Variants in MAST4 observed in about 807,000 individuals in gnomAD.
MAST4 encodes microtubule associated serine/threonine kinase family member 4, also known as microtubule-associated serine/threonine-protein kinase 4.
MAST4 carries 89 observed loss-of-function variants against 162.7 expected under a neutral mutation model. That is an observed-to-expected ratio of 0.55 (90% CI 0.46 to 0.65). The LOEUF is 0.65. Among genes scored for constraint, MAST4 ranks in the 30% least tolerant of loss-of-function variants. MAST4 has a pLI of 0.00. For synonymous variants in MAST4, 1,479 were observed against 1,361.1 expected, an observed-to-expected ratio of 1.09 and a Z score of -1.91; for missense variants, 3,153 against 3,374.0, an observed-to-expected ratio of 0.93 and a Z score of 1.62.
At chr5:66,818,458 A>C (rs142294216) in intron 3 of MAST4, among the ~76,000 whole-genome samples, 1 of 152,038 alleles carries the variant, frequency 6.6e-6, no homozygotes. Context: ...AGATTTCACT[A>C]TGGTCTGTGC....
chr5:67,046,764 C>T (rs1757421618), intron 4 of MAST4, among the ~76,000 whole-genome samples: 1 of 152,136 alleles, frequency 6.6e-6, no homozygotes, highest in African/African-American at 2.4e-5. Flanking sequence ...TTTTTGAAAG[C>T]TTATCCCTTT....
intron 5 of MAST4, among the ~76,000 whole-genome samples, chr5:67,076,757 G>A (rs1345635551): frequency 6.6e-6 from 1 of 152,102 alleles, no homozygotes; most frequent in Non-Finnish European, 1.5e-5. Flanking sequence ...ACTTAATTAT[G>A]TCTTTTACCT....
chr5:66,904,421 G>A (rs1763210300), intron 4 of MAST4, among the ~76,000 whole-genome samples: 1 of 152,094 alleles, frequency 6.6e-6, no homozygotes, highest in Non-Finnish European at 1.5e-5. Context: ...GTTTTTAAGT[G>A]GTATTTCAGA....
At chr5:66,959,162 G>T in intron 4 of MAST4, 1 of 775,200 alleles carries the variant, frequency 1.3e-6, no homozygotes, top group Admixed American at 1.7e-5. Flanking sequence ...CTTTAGAGAG[G>T]TTCGGTTTGG....
chr5:66,765,079 C>T (rs943907940), intron 2 of MAST4, among the ~76,000 whole-genome samples: 1 of 152,054 alleles, frequency 6.6e-6, no homozygotes, highest in Non-Finnish European at 1.5e-5. Flanking sequence ...GGTGCAGTTG[C>T]ATGCTATACA....
chr5:66,632,846 A>G (rs1211831608), intron 1 of MAST4, among the ~76,000 whole-genome samples: 2 of 152,240 alleles, frequency 1.3e-5, no homozygotes, highest in Non-Finnish European at 2.9e-5. Flanking sequence ...ACATATACAT[A>G]TTTGTATAGA....
Position 66,596,760 on chromosome 5 carries a change from T to A in MAST4, c.105T>A (p.Gly35=). The A allele has an allele frequency of 7.1e-7, 1 of 1,399,704 alleles. No homozygotes were observed. The highest frequency in any genetic ancestry group is 9.3e-7 in the Non-Finnish European group (1 of 1,074,668). 86.7% of individuals were successfully genotyped at this position (1,399,704 alleles called of 1,614,324 possible). ...CGCTGGTCGCCGCGTCCTCTCCGGGTGCTTCCTCGGCCGAGTCCTCCTCGG... is the reference window on the plus strand; with the variant it reads ...CGCTGGTCGCCGCGTCCTCTCCGGGAGCTTCCTCGGCCGAGTCCTCCTCGG... The part of the protein sequence containing the change: ...ASALVAASSP[G]ASSAESSSGS... Residue 35 remains glycine, a synonymous_variant, in exon 1 of 29, where the codon GGT becomes GGA. Coordinates refer to ENST00000403625, the MANE Select transcript of MAST4 (RefSeq NM_001164664.2).
chr5:67,117,771 AAAG>A (rs145353563), intron 12 of MAST4, among the ~76,000 whole-genome samples: 3,738 of 152,220 alleles, frequency 0.025, 157 homozygotes, highest in African/African-American at 0.084. Flanking sequence ...AAAGTATAAA[AAAG>A]AAAATGAACA....
At chr5:66,698,822 A>C (rs1749578002) in intron 1 of MAST4, among the ~76,000 whole-genome samples, 1 of 152,022 alleles carries the variant, frequency 6.6e-6, no homozygotes, top group South Asian at 2.1e-4. Context: ...CACATCCCCC[A>C]CACAAGTTCT....
At chr5:67,058,695 T>C (rs889619810) in intron 5 of MAST4, among the ~76,000 whole-genome samples, 1 of 152,250 alleles carries the variant, frequency 6.6e-6, no homozygotes, top group Non-Finnish European at 1.5e-5. Context: ...ATCTGTGTTT[T>C]AGAGTGTGTA....
At chr5:67,113,527 G>C (rs1406009824) in intron 11 of MAST4, among the ~76,000 whole-genome samples, 1 of 151,930 alleles carries the variant, frequency 6.6e-6, no homozygotes, top group African/African-American at 2.4e-5. Flanking sequence ...TTTCTTTCTT[G>C]TTCTTTACTT....
intron 1 of MAST4, among the ~76,000 whole-genome samples, chr5:66,660,469 C>T (rs1023035998): frequency 6.6e-6 from 1 of 152,214 alleles, no homozygotes. Flanking sequence ...CCTCTCTATT[C>T]TCCAAAACCA....
intron 19 of MAST4, 56 bp from the exon 20 acceptor site, chr5:67,142,059 T>C: frequency 6.5e-7 from 1 of 1,549,078 alleles, no homozygotes; most frequent in East Asian, 2.3e-5. Flanking sequence ...TGTTTGCCTT[T>C]GCTTAGTGGG....
chr5:66,922,989 C>T lies in MAST4; in HGVS notation c.674+23007C>T, dbSNP rs1259804887. 2.0e-5 allele frequency among the ~76,000 whole-genome samples: 3 copies of T among 152,198 alleles called. No individual in the cohort carries two copies. The East Asian group carries it at 5.8e-4, about 29-fold the overall frequency. On this transcript the variant is annotated intron_variant, in intron 4 of 28. Transcript: ENST00000403625. ...GGCATCCAACCGTGGAGCATAAGAT[C>T]ACATTTGTTAGGGACACTGTGACTG... is the stretch of plus-strand genomic sequence containing the variant.
chr5:67,160,524 G>A lies in MAST4; in HGVS notation c.3717G>A (p.Arg1239=), dbSNP rs775428522. Reference sequence around the variant, plus strand: ...CATCAATCAAAACTGGACCAGCCAGGAGAAACAGCTATAAGAGCCGGATGG... The same window carrying A: ...CATCAATCAAAACTGGACCAGCCAGAAGAAACAGCTATAAGAGCCGGATGG... ...ENTSIKTGPA[R]RNSYKSRMVR... Residue 1239 remains arginine (R), a synonymous_variant, in exon 27 of 29, where the codon AGG becomes AGA. Transcript: ENST00000403625. The A allele has an allele frequency of 1.6e-5, 26 of 1,613,806 alleles. No individual in the cohort carries two copies. Among genetic ancestry groups the A allele is most frequent in the Middle Eastern group, 1.6e-4 (1 of 6,084 alleles).
intron 1 of MAST4, among the ~76,000 whole-genome samples, chr5:66,650,040 C>T (rs967474384): frequency 6.6e-6 from 1 of 152,058 alleles, no homozygotes; most frequent in Non-Finnish European, 1.5e-5. Context: ...GACCATGCTC[C>T]AACTTGGACC....
intron 1 of MAST4, among the ~76,000 whole-genome samples, chr5:66,671,296 G>T (rs956427986): frequency 2.0e-5 from 3 of 152,056 alleles, no homozygotes; most frequent in Non-Finnish European, 4.4e-5. Context: ...CCATTCTTTT[G>T]TTCTTTGGGG....
intron 3 of MAST4, among the ~76,000 whole-genome samples, chr5:66,861,037 T>C (rs900094051): frequency 1.3e-5 from 2 of 152,168 alleles, no homozygotes; most frequent in Non-Finnish European, 2.9e-5. Flanking sequence ...TGCTCAGTTA[T>C]TTTCAAAGAG....
chr5:67,110,893 G>A (rs897062181), intron 11 of MAST4, among the ~76,000 whole-genome samples: 6 of 152,050 alleles, frequency 3.9e-5, no homozygotes, highest in Non-Finnish European at 7.4e-5. Context: ...GTGTGGTGGT[G>A]CACGCCTGTA....
Sources: gnomAD v4.1 joint callset for allele counts (sites outside exome capture counted in the v4.1 genomes callset) on GRCh38, gnomAD v4.1.1 for gene constraint, MANE v1.5 for transcripts, NCBI Gene and HGNC (gene_info 2026-07-23, HGNC 2026-07-21) for gene names.